Variants in SCAPER observed in about 807,000 individuals in gnomAD.
SCAPER encodes the protein S phase cyclin A-associated protein in the endoplasmic reticulum.
SCAPER carries 98 observed loss-of-function variants against 182.2 expected under a neutral mutation model. The observed-to-expected ratio is 0.54, with a 90% CI of 0.46 to 0.64. The LOEUF (loss-of-function observed/expected upper bound fraction) is 0.64. Ranked by LOEUF, SCAPER falls within the 30% of genes least tolerant of loss-of-function variation. The probability of loss-of-function intolerance (pLI) is 0.00; values close to 1 mark genes in which losing one functional copy is unlikely to be tolerated. For missense variants in SCAPER, 1,432 were observed against 1,690.0 expected, an observed-to-expected ratio of 0.85 and a Z score of 2.68; for synonymous variants, 605 against 564.6, an observed-to-expected ratio of 1.07 and a Z score of -1.01.
At position 76,497,989 on chromosome 15, in the gene SCAPER, C is replaced by CAAAAAAAAAAAAAA. The variant is rs747096625; in HGVS notation, c.2954+6856_2954+6869dup. The stretch of plus-strand genomic sequence containing the variant: ...CTGGTGATGGAGCGAGACTCCGTCT[C>CAAAAAAAAAAAAAA]AAAAAAAAAAAAAAAAAAAAAAAAA... On this transcript the variant is annotated intron_variant, in intron 24 of 31. Transcript: ENST00000563290. Among the ~76,000 whole-genome samples, 27 of 58,326 alleles carry CAAAAAAAAAAAAAA rather than the reference C, an allele frequency of 4.6e-4. 3 individuals carry two copies. Among genetic ancestry groups the CAAAAAAAAAAAAAA allele is most frequent in the African/African-American group, 1.3e-3 (21 of 15,784 alleles). 38.3% of individuals were successfully genotyped at this position (58,326 alleles called of 152,430 possible). A position where few individuals can be genotyped will look rare whatever the true frequency, so the allele number is the denominator to read the frequency against.
intron 5 of SCAPER, among the ~76,000 whole-genome samples, chr15:76,836,193 T>C (rs2068936020): frequency 6.6e-6 from 1 of 152,068 alleles, no homozygotes; most frequent in Admixed American, 6.6e-5. Flanking sequence ...ACTACCAATG[T>C]CATTTTTCAC....
At chr15:76,720,948 T>C (rs1037248818) in intron 17 of SCAPER, among the ~76,000 whole-genome samples, 10 of 152,208 alleles carry the variant, frequency 6.6e-5, no homozygotes, top group African/African-American at 2.4e-4. Context: ...CATTTGTCAA[T>C]TTTGGCTTTT....
intron 5 of SCAPER, among the ~76,000 whole-genome samples, chr15:76,821,985 C>T (rs1598925668): frequency 6.6e-6 from 1 of 151,900 alleles, no homozygotes; most frequent in Non-Finnish European, 1.5e-5. Flanking sequence ...TCAGTGGCTG[C>T]TGGGGTTAGG....
At chr15:76,771,714 T>C in intron 10 of SCAPER, 28 bp downstream of exon 10, 4 of 1,549,142 alleles carry the variant, frequency 2.6e-6, no homozygotes, top group Non-Finnish European at 3.6e-6. Context: ...TTCTGATAAG[T>C]TGTTCTTACC....
At chr15:76,767,217 G>C in intron 10 of SCAPER, 129 bp from the exon 11 acceptor site, 1 of 930,008 alleles carries the variant, frequency 1.1e-6, no homozygotes, top group Non-Finnish European at 1.6e-6. Flanking sequence ...ATAAAAGCTG[G>C]GGTTCCATAC....
chr15:76,623,521 AT>A (rs2052295342), intron 21 of SCAPER, among the ~76,000 whole-genome samples: 2 of 151,896 alleles, frequency 1.3e-5, no homozygotes, highest in Admixed American at 1.3e-4. Flanking sequence ...TTCATTGCTT[AT>A]TTTTGTCAGC....
At chr15:76,688,092 T>C (rs1209089076) in intron 20 of SCAPER, among the ~76,000 whole-genome samples, 1 of 152,176 alleles carries the variant, frequency 6.6e-6, no homozygotes, top group African/African-American at 2.4e-5. Flanking sequence ...CCACATCCTC[T>C]CCAACATCTG....
rs60675828 is a variant in SCAPER at position 76,431,676 on chromosome 15, CAAAAAAAAAA to C, written c.3311+2392_3311+2401del. Among the ~76,000 whole-genome samples, 259 of 47,132 alleles carry C rather than the reference CAAAAAAAAAA, an allele frequency of 5.5e-3. 6 individuals carry two copies. Among genetic ancestry groups the C allele is most frequent in the African/African-American group, 0.023 (234 of 10,256 alleles). The allele number at this position is 47,132 out of a possible 152,430, so 30.9% of individuals were successfully genotyped here. On this transcript the variant is annotated intron_variant, in intron 26 of 31. Coordinates refer to ENST00000563290, the MANE Select transcript of SCAPER (RefSeq NM_020843.4). Reference sequence around the variant, plus strand: ...AGAAGGCAAGTATGAAAATGATTAGCAAAAAAAAAAAAAAAAAAAAAAAAAAAATGCTTTG... The same window carrying C: ...AGAAGGCAAGTATGAAAATGATTAGCAAAAAAAAAAAAAAAAAATGCTTTG...
chr15:76,553,489 G>A (rs1349853536), intron 23 of SCAPER, among the ~76,000 whole-genome samples: 2 of 152,200 alleles, frequency 1.3e-5, no homozygotes, highest in African/African-American at 2.4e-5. Flanking sequence ...GCATCTTGCT[G>A]TGCCACCACA....
intron 5 of SCAPER, among the ~76,000 whole-genome samples, chr15:76,810,970 A>AG (rs1339199158): frequency 3.3e-5 from 5 of 152,178 alleles, no homozygotes; most frequent in Non-Finnish European, 5.9e-5. Context: ...TCAATTCAAC[A>AG]GGAAGACACA....
intron 16 of SCAPER, among the ~76,000 whole-genome samples, chr15:76,732,937 C>T (rs1462957216): frequency 6.6e-6 from 1 of 152,188 alleles, no homozygotes; most frequent in East Asian, 1.9e-4. Context: ...GGACATGTGA[C>T]CCACTTGACC....
chr15:76,811,912 A>C (rs764219716), intron 5 of SCAPER, among the ~76,000 whole-genome samples: 2 of 152,108 alleles, frequency 1.3e-5, no homozygotes, highest in Non-Finnish European at 2.9e-5. Context: ...ATCTCAAATA[A>C]ACAACCTAAC....
At position 76,819,917 on chromosome 15, in the gene SCAPER, A is replaced by G. The variant is rs150410806; in HGVS notation, c.394-15284T>C. On this transcript the variant is annotated intron_variant, in intron 5 of 31. Coordinates refer to ENST00000563290, the MANE Select transcript of SCAPER (RefSeq NM_020843.4). ...ACAAGAAAAAAACAACCCCATCAAA[A>G]AGTGGGCAAAGGATATGAGCAGACA... Among the ~76,000 whole-genome samples the G allele has an allele frequency of 4.8e-3, 733 of 152,340 alleles. 7 individuals are homozygous for G. The highest frequency in any genetic ancestry group is 0.017 in the African/African-American group (703 of 41,570).
intron 4 of SCAPER, among the ~76,000 whole-genome samples, chr15:76,843,175 C>G (rs2069653704): frequency 6.6e-6 from 1 of 152,146 alleles, no homozygotes; most frequent in Admixed American, 6.6e-5. Context: ...GTATATCATT[C>G]AAATATTTTA....
chr15:76,524,378 A>C (rs2043031159), intron 23 of SCAPER, among the ~76,000 whole-genome samples: 1 of 152,172 alleles, frequency 6.6e-6, no homozygotes, highest in African/African-American at 2.4e-5. Context: ...AGGTGTCTGA[A>C]GAAAAGTGCA....
At chr15:76,453,415 A>C (rs2048511647) in intron 25 of SCAPER, among the ~76,000 whole-genome samples, 1 of 152,172 alleles carries the variant, frequency 6.6e-6, no homozygotes, top group African/African-American at 2.4e-5. Flanking sequence ...AAAACTCCTC[A>C]GTGACTCCTT....
At chr15:76,793,203 CT>C (rs1232803541) in intron 8 of SCAPER, 9 of 1,147,606 alleles carry the variant, frequency 7.8e-6, no homozygotes, top group African/African-American at 1.6e-5. Flanking sequence ...TCTATAGCTA[CT>C]GTTATTATAT....
chr15:76,377,706 G>A (rs1010834649), intron 28 of SCAPER, among the ~76,000 whole-genome samples: 1 of 152,204 alleles, frequency 6.6e-6, no homozygotes, highest in Non-Finnish European at 1.5e-5. Flanking sequence ...TATTTTGACA[G>A]CCTTATTGGT....
At chr15:76,825,298 C>T (rs1249439309) in intron 5 of SCAPER, among the ~76,000 whole-genome samples, 1 of 152,124 alleles carries the variant, frequency 6.6e-6, no homozygotes, top group Non-Finnish European at 1.5e-5. Context: ...GACACACTAA[C>T]ATGACTGTTA....
Sources: allele counts gnomAD v4.1 joint callset (sites outside exome capture counted in the v4.1 genomes callset), GRCh38; gene constraint gnomAD v4.1.1; transcripts MANE v1.5; gene names NCBI Gene and HGNC (gene_info 2026-07-23, HGNC 2026-07-21).